The following RUFY3 variants were observed in gnomAD, a reference collection of about 807,000 sequenced individuals.
RUFY3 encodes the protein protein RUFY3.
In RUFY3, 34 loss-of-function variants were observed where a neutral mutation model predicts 84.0. That is an observed-to-expected ratio of 0.40 (90% CI 0.31 to 0.54). The LOEUF is 0.54. RUFY3 is among the 20% of genes least tolerant of loss of function. The probability of loss-of-function intolerance (pLI) is 0.39; values close to 1 mark genes in which losing one functional copy is unlikely to be tolerated. For missense variants in RUFY3, 507 were observed against 736.8 expected, an observed-to-expected ratio of 0.69 and a Z score of 3.61; for synonymous variants, 242 against 252.9, an observed-to-expected ratio of 0.96 and a Z score of 0.41.
At chr4:70,792,639 G>C in intron 12 of RUFY3, 1 of 985,282 alleles carries the variant, frequency 1.0e-6, no homozygotes, top group Non-Finnish European at 1.2e-6. Flanking sequence ...CATTTCAGCT[G>C]CTTTGGTGGG....
At chr4:70,757,425 T>G (rs1724217678) in intron 1 of RUFY3, among the ~76,000 whole-genome samples, 1 of 151,906 alleles carries the variant, frequency 6.6e-6, no homozygotes, top group South Asian at 2.1e-4. Context: ...ACCAATATGG[T>G]GAGACCCTGT....
chr4:70,744,186 A>T (rs539900717), intron 1 of RUFY3, among the ~76,000 whole-genome samples: 19 of 152,098 alleles, frequency 1.2e-4, no homozygotes, highest in South Asian at 4.2e-4. Context: ...TGGCTTTTTT[A>T]AAATTTTATT....
At chr4:70,734,982 A>C (rs1720047483) in intron 1 of RUFY3, among the ~76,000 whole-genome samples, 1 of 152,224 alleles carries the variant, frequency 6.6e-6, no homozygotes, top group South Asian at 2.1e-4. Flanking sequence ...AGCTTCTGAC[A>C]CCCAAGAGTC....
intron 14 of RUFY3, among the ~76,000 whole-genome samples, chr4:70,798,392 C>T (rs1934605007): frequency 6.6e-6 from 1 of 151,840 alleles, no homozygotes; most frequent in Admixed American, 6.6e-5. Context: ...AAAGAAAACA[C>T]ATTCCACTTT....
chr4:70,760,243 G>A (rs914895793), intron 1 of RUFY3, among the ~76,000 whole-genome samples: 6 of 152,170 alleles, frequency 3.9e-5, no homozygotes, highest in Non-Finnish European at 8.8e-5. Context: ...AGATGGGTTG[G>A]TATAAATCTA....
At chr4:70,765,539 G>A (rs1344482095) in intron 4 of RUFY3, among the ~76,000 whole-genome samples, 1 of 152,120 alleles carries the variant, frequency 6.6e-6, no homozygotes, top group Admixed American at 6.6e-5. Context: ...GGAAATGTGT[G>A]AATGTTGGAA....
At chr4:70,725,333 C>CTT (rs113127589) in intron 1 of RUFY3, among the ~76,000 whole-genome samples, 2 of 144,000 alleles carry the variant, frequency 1.4e-5, no homozygotes. Flanking sequence ...CTTATATACT[C>CTT]TTTTTTTTTT....
chr4:70,793,045 T>G (rs2148805452), intron 12 of RUFY3: 1 of 985,376 alleles, frequency 1.0e-6, no homozygotes, highest in Non-Finnish European at 1.2e-6. Flanking sequence ...TGCTTTACCT[T>G]CTAAAACATG....
chr4:70,800,966 A>G (rs1732152240), intron 15 of RUFY3, among the ~76,000 whole-genome samples: 1 of 152,190 alleles, frequency 6.6e-6, no homozygotes, highest in Admixed American at 6.5e-5. Context: ...AATCTCAAAC[A>G]GCTTAACTTC....
chr4:70,763,629 G>T lies in RUFY3; in HGVS notation c.430G>T (p.Ala144Ser). The change falls in exon 3 of 18, where the codon GCA becomes TCA. Residue 144 changes from alanine (A) to serine (S), a missense_variant. Coordinates refer to ENST00000381006, the MANE Select transcript of RUFY3 (RefSeq NM_001037442.4). ...GGTAGAAAAGCTTGTTCCAGAAGCC[G>T]CAGAGATAACAGCAAGTGTTAAAGA... The part of the protein sequence containing the change: ...ELVEKLVPEA[A>S]EITASVKDLP... 1 of 1,611,776 alleles carries T rather than the reference G, an allele frequency of 6.2e-7. No individual in the cohort carries two copies. The highest frequency in any genetic ancestry group is 1.1e-5 in the South Asian group (1 of 90,966).
intron 1 of RUFY3, among the ~76,000 whole-genome samples, chr4:70,713,068 G>C (rs1193693448): frequency 1.3e-5 from 2 of 152,164 alleles, no homozygotes; most frequent in African/African-American, 2.4e-5. Context: ...TTGTTGCCCA[G>C]TTTGGAGTGC....
chr4:70,805,424 C>G (rs1276576269), intron 17 of RUFY3, among the ~76,000 whole-genome samples: 1 of 152,152 alleles, frequency 6.6e-6, no homozygotes, highest in Non-Finnish European at 1.5e-5. Context: ...AATATGGTAC[C>G]CAATCCATAG....
chr4:70,798,760 C>T (rs749225332), intron 14 of RUFY3, among the ~76,000 whole-genome samples: 4 of 152,060 alleles, frequency 2.6e-5, no homozygotes, highest in Admixed American at 1.3e-4. Flanking sequence ...GAGCCAAGAT[C>T]GTACCACAGC....
intron 1 of RUFY3, among the ~76,000 whole-genome samples, chr4:70,757,368 G>A (rs76250675): frequency 0.07 from 10,611 of 152,218 alleles, 579 homozygotes; most frequent in East Asian, 0.2. Flanking sequence ...ACTTTGGGAG[G>A]CCGAGGCAGG....
At chr4:70,729,361 A>G (rs545828556) in intron 1 of RUFY3, among the ~76,000 whole-genome samples, 2 of 152,266 alleles carry the variant, frequency 1.3e-5, no homozygotes, top group East Asian at 3.9e-4. Flanking sequence ...AGTTCACACA[A>G]TTCTCCTGCC....
chr4:70,768,797 G>C, intron 5 of RUFY3, 136 bp downstream of exon 5: 2 of 820,188 alleles, frequency 2.4e-6, no homozygotes, highest in South Asian at 2.1e-5. Flanking sequence ...ATTTTGATGG[G>C]AATATAAAAA....
upstream of RUFY3, among the ~76,000 whole-genome samples, chr4:70,718,389 T>C (rs897329166): frequency 1.3e-5 from 2 of 152,172 alleles, no homozygotes; most frequent in Non-Finnish European, 2.9e-5. Flanking sequence ...TTTGAATCCA[T>C]CATAATGTGG....
Position 70,776,009 on chromosome 4 carries a change from A to G in RUFY3, c.824+776A>G, listed in dbSNP as rs142666670. ...TCCTGCATTTCTCATTTATACATTG[A>G]ATTAATAGCATTAATTTAATATATA... On this transcript the variant is annotated intron_variant, in intron 7 of 17. Coordinates refer to ENST00000381006, the MANE Select transcript of RUFY3 (RefSeq NM_001037442.4). Among the ~76,000 whole-genome samples, 535 of 151,972 alleles carry G rather than the reference A, an allele frequency of 3.5e-3. 2 individuals carry two copies. The highest frequency in any genetic ancestry group is 0.013 in the African/African-American group (519 of 41,424).
chr4:70,715,588 CAAAAAAAAAAAA>C (rs886636641), intron 1 of RUFY3, among the ~76,000 whole-genome samples: 5 of 46,678 alleles, frequency 1.1e-4, no homozygotes, highest in African/African-American at 2.2e-4. Context: ...ACACTATCTC[CAAAAAAAAAAAA>C]AAAAAAAAAA....
Sources: gnomAD v4.1 joint callset for allele counts (sites outside exome capture counted in the v4.1 genomes callset) on GRCh38, gnomAD v4.1.1 for gene constraint, MANE v1.5 for transcripts, NCBI Gene and HGNC (gene_info 2026-07-23, HGNC 2026-07-21) for gene names.